The following INSYN2B variants were observed in gnomAD, a reference collection of about 807,000 sequenced individuals.
INSYN2B encodes the protein inhibitory synaptic factor family member 2B, also known as protein INSYN2B.
A neutral mutation model predicts 41.2 loss-of-function variants in INSYN2B; 16 were observed. The ratio of observed to expected loss-of-function variants is 0.39; its 90% CI spans 0.26 to 0.59. INSYN2B has a LOEUF of 0.59. Among genes scored for constraint, INSYN2B ranks in the 20% least tolerant of loss-of-function variants. INSYN2B has a pLI of 0.57. For missense variants in INSYN2B, 608 were observed against 646.4 expected (o/e 0.94, Z 0.64); for synonymous variants, 245 against 244.4 (o/e 1.00, Z -0.02).
At chr5:169,965,506 A>T (rs1025137642) in intron 1 of INSYN2B, among the ~76,000 whole-genome samples, 2 of 152,170 alleles carry the variant, frequency 1.3e-5, no homozygotes, top group Non-Finnish European at 2.9e-5. Flanking sequence ...AGCATGGCTC[A>T]TTTTTGTCTA....
rs1259010477 is a variant in INSYN2B at position 169,883,820 on chromosome 5, G to A, written c.79C>T (p.Pro27Ser). The A allele has an allele frequency of 1.9e-6, 3 of 1,549,554 alleles. No homozygotes were observed. The Admixed American group carries it at 5.9e-5, about 31-fold the overall frequency. ...SLESVEFVKQ[P>S]HHRRSKSQQV... ...TGGGATTTGCTCCTGCGGTGGTGAG[G>A]TTGTTTCACAAACTCCACTGATTCT... Residue 27 changes from proline to serine, a missense_variant, in exon 2 of 4, where the codon CCT (proline) becomes TCT (serine). Coordinates refer to ENST00000377365, the MANE Select transcript of INSYN2B (RefSeq NM_001129891.3).
At chr5:169,970,929 A>G (rs1581487338) in intron 1 of INSYN2B, among the ~76,000 whole-genome samples, 1 of 151,744 alleles carries the variant, frequency 6.6e-6, no homozygotes, top group Non-Finnish European at 1.5e-5. Flanking sequence ...GCAGGAAGAA[A>G]CCTTCAAAGG....
intron 1 of INSYN2B, among the ~76,000 whole-genome samples, chr5:169,960,705 G>A (rs980505699): frequency 1.3e-5 from 2 of 152,072 alleles, no homozygotes; most frequent in African/African-American, 4.8e-5. Context: ...ACAATCCATG[G>A]TTTTACTTTC....
At chr5:169,910,549 C>T (rs1774537290) in intron 1 of INSYN2B, among the ~76,000 whole-genome samples, 1 of 140,652 alleles carries the variant, frequency 7.1e-6, no homozygotes, top group Non-Finnish European at 1.6e-5. Flanking sequence ...GCATCCTTTC[C>T]CTGTGTGCCC....
At position 169,884,013 on chromosome 5, in the gene INSYN2B, A is replaced by G; in HGVS notation, c.-115T>C. The G allele has an allele frequency of 9.7e-7, 1 of 1,031,550 alleles. No homozygotes were observed. The allele number at this position is 1,031,550 out of a possible 1,614,324, so 63.9% of individuals were successfully genotyped here. On this transcript the variant is annotated 5_prime_UTR_variant, in exon 2 of 4. Coordinates refer to ENST00000377365, the MANE Select transcript of INSYN2B (RefSeq NM_001129891.3). ...CAATCATAGAGAACTGCTGGCCAGGATGGAGTGGTCCTCTCCTCTTAGTAT... is the reference window on the plus strand; with the variant it reads ...CAATCATAGAGAACTGCTGGCCAGGGTGGAGTGGTCCTCTCCTCTTAGTAT...
At chr5:169,889,824 A>T (rs1002274981) in intron 1 of INSYN2B, among the ~76,000 whole-genome samples, 1 of 152,218 alleles carries the variant, frequency 6.6e-6, no homozygotes. Flanking sequence ...TGGGAGCCAT[A>T]GTTTGACAAC....
chr5:169,893,874 C>T (rs2113550354), intron 1 of INSYN2B, among the ~76,000 whole-genome samples: 1 of 152,338 alleles, frequency 6.6e-6, no homozygotes, highest in Middle Eastern at 3.4e-3. Flanking sequence ...AAATCGTTTT[C>T]CATCTCAGCA....
rs890056075 is a variant in INSYN2B at position 169,912,649 on chromosome 5, G to T, written c.-918-27833C>A. 3.3e-5 allele frequency among the ~76,000 whole-genome samples: 5 copies of T among 150,874 alleles called. No individual in the cohort carries two copies. The East Asian group carries it at 9.7e-4, about 29-fold the overall frequency. ...TGTGTGTGTGTGTGTGTGAGATGCA[G>T]GTGGGTACATTCATTCATGTTGCAT... On this transcript the variant is annotated intron_variant, in intron 1 of 3. Coordinates refer to ENST00000377365, the MANE Select transcript of INSYN2B (RefSeq NM_001129891.3).
intron 1 of INSYN2B, among the ~76,000 whole-genome samples, chr5:169,943,828 G>T (rs778854872): frequency 2.0e-5 from 3 of 152,156 alleles, no homozygotes; most frequent in Non-Finnish European, 4.4e-5. Flanking sequence ...TGACTCTGAC[G>T]CTCATTAAGT....
intron 1 of INSYN2B, among the ~76,000 whole-genome samples, chr5:169,944,175 A>G (rs1237938712): frequency 6.6e-6 from 1 of 152,152 alleles, no homozygotes; most frequent in Non-Finnish European, 1.5e-5. Context: ...GTGAGCTGCC[A>G]CACCAAAGGC....
chr5:169,966,007 G>C (rs370424403), intron 1 of INSYN2B, among the ~76,000 whole-genome samples: 4 of 152,168 alleles, frequency 2.6e-5, no homozygotes, highest in African/African-American at 9.7e-5. Flanking sequence ...GTTTCCCTAG[G>C]ATGAACCAGG....
At chr5:169,890,835 T>C (rs1773238553) in intron 1 of INSYN2B, among the ~76,000 whole-genome samples, 1 of 152,192 alleles carries the variant, frequency 6.6e-6, no homozygotes, top group Non-Finnish European at 1.5e-5. Context: ...GTCTCCATCA[T>C]CTCTCACCTG....
intron 1 of INSYN2B, among the ~76,000 whole-genome samples, chr5:169,907,318 A>T (rs1774338345): frequency 6.6e-6 from 1 of 152,220 alleles, no homozygotes; most frequent in Non-Finnish European, 1.5e-5. Context: ...TTCTGCTTTC[A>T]TCTGGAGGCA....
At chr5:169,930,697 A>G (rs894875091) in intron 1 of INSYN2B, among the ~76,000 whole-genome samples, 1 of 152,230 alleles carries the variant, frequency 6.6e-6, no homozygotes, top group Non-Finnish European at 1.5e-5. Context: ...ATTAATTTCA[A>G]GAAGGGTTGC....
intron 1 of INSYN2B, among the ~76,000 whole-genome samples, chr5:169,885,719 A>G (rs752913196): frequency 4.6e-5 from 7 of 152,266 alleles, no homozygotes; most frequent in Non-Finnish European, 7.3e-5. Context: ...TTTCCAAGCC[A>G]TAACTCATTC....
chr5:169,917,299 C>T (rs970373109), intron 1 of INSYN2B, among the ~76,000 whole-genome samples: 4 of 152,150 alleles, frequency 2.6e-5, no homozygotes, highest in African/African-American at 9.7e-5. Context: ...CCCATGACAC[C>T]CAAGTGTCAA....
At chr5:169,905,138 G>T (rs991576577) in intron 1 of INSYN2B, among the ~76,000 whole-genome samples, 2 of 152,170 alleles carry the variant, frequency 1.3e-5, no homozygotes, top group African/African-American at 4.8e-5. Flanking sequence ...GTTTAGGAAG[G>T]GTTGCAAACT....
chr5:169,945,394 G>T (rs1776405748), intron 1 of INSYN2B, among the ~76,000 whole-genome samples: 1 of 152,254 alleles, frequency 6.6e-6, no homozygotes, highest in Non-Finnish European at 1.5e-5. Context: ...AACTCTTTGG[G>T]TCTCAGAGTG....
chr5:169,894,476 A>C (rs1773477669), intron 1 of INSYN2B, among the ~76,000 whole-genome samples: 2 of 152,180 alleles, frequency 1.3e-5, no homozygotes. Flanking sequence ...ACCCTGGTAC[A>C]GCAAAGCATT....
Sources: allele counts gnomAD v4.1 joint callset (sites outside exome capture counted in the v4.1 genomes callset), GRCh38; gene constraint gnomAD v4.1.1; transcripts MANE v1.5; gene names NCBI Gene and HGNC (gene_info 2026-07-23, HGNC 2026-07-21).